Variants in ACSL1 observed in about 807,000 individuals in gnomAD.
ACSL1 encodes long-chain-fatty-acid--CoA ligase 1.
A neutral mutation model predicts 98.4 loss-of-function variants in ACSL1; 41 were observed. The ratio of observed to expected loss-of-function variants is 0.42; its 90% CI spans 0.32 to 0.54. The LOEUF (loss-of-function observed/expected upper bound fraction) is 0.54. Ranked by LOEUF, ACSL1 falls within the 20% of genes least tolerant of loss-of-function variation. The pLI, the probability that ACSL1 is intolerant of heterozygous loss-of-function variation, is 0.13. For synonymous variants in ACSL1, 316 were observed against 322.7 expected, an observed-to-expected ratio of 0.98 and a Z score of 0.22; for missense variants, 734 against 883.1, an observed-to-expected ratio of 0.83 and a Z score of 2.14.
Position 184,825,106 on chromosome 4 carries a change from G to T in ACSL1, c.-33+810C>A. Reference sequence around the variant, plus strand: ...TTTTAGAATGGTCACTCTTAATTATGCTCCATAACCTTGAAATTGGACTGA... The same window carrying T: ...TTTTAGAATGGTCACTCTTAATTATTCTCCATAACCTTGAAATTGGACTGA... On this transcript the variant is annotated intron_variant, in intron 1 of 20. Transcript: ENST00000281455. This position sits in a 1 kb window ranked among gnomAD's most constrained non-coding sequence, Gnocchi z 4.7. 1 of 897,364 alleles carries T rather than the reference G, an allele frequency of 1.1e-6. No homozygotes were observed. Among genetic ancestry groups the T allele is most frequent in the Non-Finnish European group, 1.3e-6 (1 of 749,670 alleles). 55.6% of individuals were successfully genotyped at this position (897,364 alleles called of 1,614,324 possible). A position where few individuals can be genotyped will look rare whatever the true frequency, so the allele number is the denominator to read the frequency against.
At chr4:184,821,840 G>C (rs1359712922) in intron 1 of ACSL1, among the ~76,000 whole-genome samples, 1 of 152,102 alleles carries the variant, frequency 6.6e-6, no homozygotes, top group East Asian at 1.9e-4. Context: ...TGTCAAAATT[G>C]TAATCTTTAA....
chr4:184,765,830 G>T, intron 14 of ACSL1, 61 bp downstream of exon 14: 2 of 1,454,306 alleles, frequency 1.4e-6, no homozygotes, highest in Non-Finnish European at 1.9e-6. Context: ...ATGACTTTTG[G>T]TGCAGAAGAG....
intron 11 of ACSL1, among the ~76,000 whole-genome samples, chr4:184,769,984 A>G (rs933234919): frequency 4.6e-5 from 7 of 152,332 alleles, no homozygotes; most frequent in African/African-American, 1.7e-4. Flanking sequence ...AATCAAAAAT[A>G]GAGACTTCTC....
intron 7 of ACSL1, among the ~76,000 whole-genome samples, chr4:184,774,260 T>A (rs1191432236): frequency 6.6e-6 from 1 of 152,176 alleles, no homozygotes; most frequent in Non-Finnish European, 1.5e-5. Context: ...ATACTGCAGA[T>A]ACTTCGTAGG....
intron 3 of ACSL1, 44 bp from the exon 4 acceptor site, chr4:184,784,035 A>G: frequency 2.0e-6 from 3 of 1,494,762 alleles, no homozygotes; most frequent in Non-Finnish European, 2.8e-6. Flanking sequence ...ACGTACATAA[A>G]TATTCCTAGA....
chr4:184,770,115 T>G, intron 11 of ACSL1: 1 of 853,676 alleles, frequency 1.2e-6, no homozygotes, highest in South Asian at 1.9e-5. Context: ...CTCCTAATTT[T>G]AAAATGAGTG....
At chr4:184,770,239 C>T (rs757490897) in intron 11 of ACSL1, 160 bp downstream of exon 11, 17 of 1,537,978 alleles carry the variant, frequency 1.1e-5, no homozygotes, top group South Asian at 7.1e-5. Context: ...GATGACAGTC[C>T]GCACGCCACA....
At chr4:184,760,252 G>A in intron 18 of ACSL1, 105 bp downstream of exon 18, 1 of 1,316,702 alleles carries the variant, frequency 7.6e-7, no homozygotes, top group Non-Finnish European at 1.0e-6. Context: ...AGACATGAAA[G>A]CCAAGTGATA....
chr4:184,808,939 G>A (rs1490781150), intron 1 of ACSL1, among the ~76,000 whole-genome samples: 1 of 152,206 alleles, frequency 6.6e-6, no homozygotes, highest in East Asian at 1.9e-4. Flanking sequence ...CTGAGCATCA[G>A]GAGAAAGATT....
chr4:184,789,403 T>A (rs989022525), intron 2 of ACSL1, among the ~76,000 whole-genome samples: 1 of 152,230 alleles, frequency 6.6e-6, no homozygotes, highest in African/African-American at 2.4e-5. Flanking sequence ...CCCCATTTGG[T>A]TATACTTCTA....
rs140801876 is a variant in ACSL1, at chr4:184,812,285, C to T, written c.-32-8739G>A. 9.8e-5 allele frequency: 93 copies of T among 949,146 alleles called. 1 individual carries two copies. The East Asian group carries it at 9.1e-3, about 93-fold the overall frequency. 58.8% of individuals were successfully genotyped at this position (949,146 alleles called of 1,614,324 possible). ...GAGCCAAGGACAGGTGCTTAACAAA[C>T]ATCTACTGAGTCATGAATGACCCTC... On this transcript the variant is annotated intron_variant, in intron 1 of 20. Transcript: ENST00000281455.
intron 3 of ACSL1, among the ~76,000 whole-genome samples, chr4:184,787,859 C>T (rs941980772): frequency 1.2e-5 from 1 of 81,492 alleles, no homozygotes; most frequent in African/African-American, 3.2e-5. Context: ...AGCAAAACTC[C>T]GTCCAAAGAA....
intron 2 of ACSL1, among the ~76,000 whole-genome samples, chr4:184,800,216 G>T (rs11936062): frequency 0.29 from 44,810 of 152,070 alleles, 9,409 homozygotes; most frequent in African/African-American, 0.6. Context: ...CTGTCACTTC[G>T]GTTTTCCATA....
intron 2 of ACSL1, among the ~76,000 whole-genome samples, chr4:184,794,482 A>G (rs564029031): frequency 2.6e-5 from 4 of 152,328 alleles, no homozygotes; most frequent in African/African-American, 9.6e-5. Context: ...TGACTTCCCA[A>G]GATCCTTTCC....
Position 184,764,882 on chromosome 4 carries a change from CA to C in ACSL1, c.1402del (p.Cys468AlafsTer2). 6.2e-7 allele frequency: 1 copy of C among 1,613,972 alleles called. No homozygotes were observed. ...GGTCCAGTCTCCAGGCATGGTCAGGCAGCACCCGGCAGTGCACTCTGTCTGT... is the reference window on the plus strand; with the variant it reads ...GGTCCAGTCTCCAGGCATGGTCAGGCGCACCCGGCAGTGCACTCTGTCTGT... ...YGQTECTAGCCLTMPGDWTAG... is the reference protein window; with the variant it reads ...YGQTECTAGCXLTMPGDWTAG... On this transcript the variant is annotated frameshift_variant, in exon 15 of 21. Coordinates refer to ENST00000281455, the MANE Select transcript of ACSL1 (RefSeq NM_001995.5). LOFTEE classifies it high-confidence loss of function.
chr4:184,808,967 C>A (rs144717826), intron 1 of ACSL1, among the ~76,000 whole-genome samples: 1 of 152,188 alleles, frequency 6.6e-6, no homozygotes, highest in Admixed American at 6.5e-5. Context: ...ACTTTGGGAT[C>A]CCATAACAAA....
rs374082592 is a variant in ACSL1 at position 184,803,290 on chromosome 4, C to T, written c.195+30G>A. ...CTCATCTGGGGAAATGCGGAGAAAA[C>T]GCACGAGGCAGGCTGGGCCCTCCAC... On this transcript the variant is annotated intron_variant, in intron 2 of 20. Coordinates refer to ENST00000281455, the MANE Select transcript of ACSL1 (RefSeq NM_001995.5). The surrounding 1 kb of genome is among the most constrained non-coding windows in gnomAD (Gnocchi z 4.8). 1.1e-4 allele frequency: 159 copies of T among 1,494,186 alleles called. No individual in the cohort carries two copies. The highest frequency in any genetic ancestry group is 7.7e-4 in the African/African-American group (55 of 71,300). 92.6% of individuals were successfully genotyped at this position (1,494,186 alleles called of 1,614,324 possible). A position where few individuals can be genotyped will look rare whatever the true frequency, so the allele number is the denominator to read the frequency against.
intron 1 of ACSL1, among the ~76,000 whole-genome samples, chr4:184,816,677 G>A (rs994139641): frequency 6.6e-6 from 1 of 152,102 alleles, no homozygotes; most frequent in Admixed American, 6.6e-5. Flanking sequence ...TTCAGCTTCA[G>A]TAATGATCAA....
chr4:184,793,505 T>C (rs1398478258), intron 2 of ACSL1, among the ~76,000 whole-genome samples: 1 of 152,242 alleles, frequency 6.6e-6, no homozygotes, highest in Non-Finnish European at 1.5e-5. Flanking sequence ...TGAGGATTTC[T>C]TAGGGGTAGA....
Sources: allele counts gnomAD v4.1 joint callset (sites outside exome capture counted in the v4.1 genomes callset), GRCh38; gene constraint gnomAD v4.1.1; non-coding constraint Gnocchi (gnomAD v3.1); transcripts MANE v1.5; gene names NCBI Gene and HGNC (gene_info 2026-07-23, HGNC 2026-07-21).